CDH17: variants seen among roughly 807,000 people sequenced by gnomAD.
The protein encoded by CDH17 is cadherin-17.
A neutral mutation model predicts 86.3 loss-of-function variants in CDH17; 67 were observed. That is an observed-to-expected ratio of 0.78 (90% CI 0.64 to 0.95). The LOEUF (loss-of-function observed/expected upper bound fraction) is 0.95. Among genes scored for constraint, CDH17 ranks in the 40% least tolerant of loss-of-function variants. CDH17 has a pLI of 0.00. For synonymous variants in CDH17, 367 were observed against 366.4 expected, an observed-to-expected ratio of 1.00 and a Z score of -0.02; for missense variants, 993 against 1,017.6, an observed-to-expected ratio of 0.98 and a Z score of 0.33.
At chr8:94,175,011 T>C (rs1813345723) in intron 5 of CDH17, among the ~76,000 whole-genome samples, 1 of 152,200 alleles carries the variant, frequency 6.6e-6, no homozygotes, top group African/African-American at 2.4e-5. Context: ...TGAGACTCAG[T>C]TGTTGAATTT....
In CDH17 at chr8:94,130,621, C is replaced by A. The variant is rs768102379; in HGVS notation, c.2398+5G>T. On this transcript the variant is annotated splice_donor_5th_base_variant and intron_variant, in intron 17 of 17. Transcript: ENST00000027335. ...AGACTCTTTGAATTAAGAAATTACA[C>A]TCACCAATCACCAGAAGGGTGGTCA... The A allele has an allele frequency of 6.3e-7, 1 of 1,582,214 alleles. No individual in the cohort carries two copies. Among genetic ancestry groups the A allele is most frequent in the South Asian group, 1.1e-5 (1 of 89,832 alleles).
intron 15 of CDH17, 41 bp from the exon 16 acceptor site, chr8:94,131,033 C>T (rs759438649): frequency 9.8e-7 from 1 of 1,019,950 alleles, no homozygotes; most frequent in South Asian, 1.3e-5. Flanking sequence ...CAACTTCAGA[C>T]CCTGGATTAG....
In CDH17 at chr8:94,189,297, G is replaced by A; in HGVS notation, c.52-12C>T. ...CCATATCCAGTTGCCTGTTAAAAAA[G>A]AAAGAGAAAATTAGCATCTTGTATG... On this transcript the variant is annotated splice_polypyrimidine_tract_variant and intron_variant, in intron 2 of 17. Coordinates refer to ENST00000027335, the MANE Select transcript of CDH17 (RefSeq NM_004063.4). 2 of 1,584,596 alleles carry A rather than the reference G, an allele frequency of 1.3e-6. No individual in the cohort carries two copies. The highest frequency in any genetic ancestry group is 2.2e-5 in the East Asian group (1 of 44,688).
chr8:94,185,513 T>G (rs1311851609), intron 3 of CDH17, among the ~76,000 whole-genome samples: 1 of 152,208 alleles, frequency 6.6e-6, no homozygotes, highest in Non-Finnish European at 1.5e-5. Flanking sequence ...TAGGTCTGGA[T>G]GTTTGTCCGT....
intron 14 of CDH17, among the ~76,000 whole-genome samples, chr8:94,147,556 G>A (rs1812767865): frequency 6.6e-6 from 1 of 151,992 alleles, no homozygotes; most frequent in African/African-American, 2.4e-5. Context: ...CTCTTTTTTG[G>A]TAAACCTGCC....
chr8:94,129,183 C>T (rs1054429979), intron 17 of CDH17, among the ~76,000 whole-genome samples: 25 of 141,322 alleles, frequency 1.8e-4, no homozygotes, highest in African/African-American at 6.1e-4. Context: ...TAAATTGATA[C>T]GTTAAGAAAA....
At chr8:94,151,270 T>A (rs1812850538) in intron 13 of CDH17, among the ~76,000 whole-genome samples, 1 of 152,216 alleles carries the variant, frequency 6.6e-6, no homozygotes, top group Non-Finnish European at 1.5e-5. Flanking sequence ...AAGGCAAATC[T>A]GTGTGGGTCT....
At chr8:94,210,908 C>A (rs1814111999), upstream of CDH17, among the ~76,000 whole-genome samples, 1 of 151,554 alleles carries the variant, frequency 6.6e-6, no homozygotes, top group African/African-American at 2.4e-5. Flanking sequence ...GTAATCCCAG[C>A]TACTCAGGAG....
chr8:94,132,267 T>C (rs760728383), intron 15 of CDH17, among the ~76,000 whole-genome samples: 8 of 152,194 alleles, frequency 5.3e-5, no homozygotes, highest in African/African-American at 1.9e-4. Context: ...TCTTCCACAA[T>C]GGTTGAACTA....
At position 94,177,609 on chromosome 8, in the gene CDH17, G is replaced by A. The variant is rs772838670; in HGVS notation, c.263C>T (p.Thr88Ile). Residue 88 changes from threonine (T) to isoleucine (I), a missense_variant, in exon 4 of 18, where the codon ACA becomes ATA. Coordinates refer to ENST00000027335, the MANE Select transcript of CDH17 (RefSeq NM_004063.4). The part of the protein sequence containing the change: ...LYYNRALDRE[T>I]RSTHNLQVAA... Reference sequence around the variant, plus strand: ...TACCTGGAGATTGTGAGTAGATCTTGTTTCCCTGTCCAAGGCTCTGTTGTA... The same window carrying A: ...TACCTGGAGATTGTGAGTAGATCTTATTTCCCTGTCCAAGGCTCTGTTGTA... 3.1e-6 allele frequency: 5 copies of A among 1,613,826 alleles called. No homozygotes were observed. Among genetic ancestry groups the A allele is most frequent in the South Asian group, 2.2e-5 (2 of 91,064 alleles).
chr8:94,171,177 C>T (rs376710458), intron 7 of CDH17, among the ~76,000 whole-genome samples, 192 bp from the exon 8 acceptor site: 1 of 152,052 alleles, frequency 6.6e-6, no homozygotes, highest in African/African-American at 2.4e-5. Flanking sequence ...TTATATTGCT[C>T]GAAAAAAGCA....
intron 5 of CDH17, among the ~76,000 whole-genome samples, chr8:94,174,665 A>G (rs1469936069): frequency 6.6e-6 from 1 of 152,246 alleles, no homozygotes; most frequent in African/African-American, 2.4e-5. Context: ...ATGTCCAGTT[A>G]TCTGAAAATA....
intron 9 of CDH17, among the ~76,000 whole-genome samples, chr8:94,168,115 T>C (rs1425707243): frequency 9.4e-5 from 2 of 21,344 alleles, no homozygotes; most frequent in African/African-American, 1.7e-4. Context: ...TATATATATA[T>C]ATATATATAT....
intron 17 of CDH17, among the ~76,000 whole-genome samples, chr8:94,129,277 C>T (rs1812363819): frequency 6.6e-6 from 1 of 152,080 alleles, no homozygotes; most frequent in Non-Finnish European, 1.5e-5. Flanking sequence ...CAGAAGGGAC[C>T]TATGTAAGTG....
At chr8:94,183,601 T>C (rs796782504) in intron 3 of CDH17, among the ~76,000 whole-genome samples, 2 of 151,718 alleles carry the variant, frequency 1.3e-5, no homozygotes, top group African/African-American at 4.8e-5. Flanking sequence ...AAACTAAAAC[T>C]ATAAAACTCT....
Position 94,160,104 on chromosome 8 carries a change from T to G in CDH17, c.1418A>C (p.Gln473Pro), listed in dbSNP as rs1813023019. 1.2e-6 allele frequency: 2 copies of G among 1,613,690 alleles called. No individual in the cohort carries two copies. Among genetic ancestry groups the G allele is most frequent in the African/African-American group, 1.3e-5 (1 of 74,906 alleles). Reference sequence around the variant, plus strand: ...AAATGGCTCATCAGCATCAGTGGCCTGGATGGTTAAGATGGTGGACCCAAT... The same window carrying G: ...AAATGGCTCATCAGCATCAGTGGCCGGGATGGTTAAGATGGTGGACCCAAT... ...TNIGSTILTIQATDADEPFTG... is the reference protein window; with the variant it reads ...TNIGSTILTIPATDADEPFTG... Residue 473 changes from glutamine to proline, a missense_variant, in exon 12 of 18, where the codon CAG becomes CCG. Transcript: ENST00000027335.
intron 2 of CDH17, among the ~76,000 whole-genome samples, chr8:94,190,589 G>T (rs1332911977): frequency 1.3e-5 from 2 of 152,236 alleles, no homozygotes; most frequent in African/African-American, 4.8e-5. Flanking sequence ...GGGTGAAAGA[G>T]ATTGAAATCA....
chr8:94,174,214 G>A lies in CDH17; in HGVS notation c.471C>T (p.Ala157=). The change falls in exon 6 of 18, where the codon GCC becomes GCT. Residue 157 remains alanine (A), a synonymous_variant. Coordinates refer to ENST00000027335, the MANE Select transcript of CDH17 (RefSeq NM_004063.4). ...YVNATDLDDP[A]TPNGQLYYQI... ...GGTAATAAAGCTGGCCATTGGGAGT[G>A]GCCGGATCATCCAGGTCTGTGGCAT... is the stretch of plus-strand genomic sequence containing the variant. The A allele has an allele frequency of 6.2e-7, 1 of 1,613,572 alleles. No homozygotes were observed. The highest frequency in any genetic ancestry group is 1.1e-5 in the South Asian group (1 of 91,038).
chr8:94,157,701 G>C (rs1473246159), intron 12 of CDH17, among the ~76,000 whole-genome samples: 2 of 152,132 alleles, frequency 1.3e-5, no homozygotes, highest in African/African-American at 2.4e-5. Flanking sequence ...TGGATCACTT[G>C]AGCCCAGGAG....
Sources: gnomAD v4.1 joint callset for allele counts (sites outside exome capture counted in the v4.1 genomes callset) on GRCh38, gnomAD v4.1.1 for gene constraint, MANE v1.5 for transcripts, NCBI Gene and HGNC (gene_info 2026-07-23, HGNC 2026-07-21) for gene names.